The following MYOCD variants were observed in gnomAD, a reference collection of about 807,000 sequenced individuals.
MYOCD encodes the protein myocardin.
A neutral mutation model predicts 96.1 loss-of-function variants in MYOCD; 32 were observed. The ratio of observed to expected loss-of-function variants is 0.33; its 90% CI spans 0.25 to 0.45. The LOEUF is 0.45. MYOCD is among the 20% of genes least tolerant of loss of function. The probability of loss-of-function intolerance (pLI) is 1.00; values close to 1 mark genes in which losing one functional copy is unlikely to be tolerated. For synonymous variants in MYOCD, 469 were observed against 469.0 expected (o/e 1.00, Z 0.00); for missense variants, 1,133 against 1,200.6 (o/e 0.94, Z 0.83).
At chr17:12,686,425 G>T (rs1315225152) in intron 1 of MYOCD, among the ~76,000 whole-genome samples, 2 of 152,194 alleles carry the variant, frequency 1.3e-5, no homozygotes, top group Non-Finnish European at 2.9e-5. Flanking sequence ...AAATTTGAAT[G>T]AACTTCTAGT....
At chr17:12,756,960 T>C (rs1341439667) in intron 11 of MYOCD, among the ~76,000 whole-genome samples, 2 of 152,156 alleles carry the variant, frequency 1.3e-5, no homozygotes, top group Admixed American at 1.3e-4. Flanking sequence ...CAAGGAGTCA[T>C]TTCCTGGGGT....
chr17:12,758,844 T>C (rs1419489353), intron 12 of MYOCD, among the ~76,000 whole-genome samples: 2 of 151,240 alleles, frequency 1.3e-5, no homozygotes, highest in African/African-American at 4.9e-5. Flanking sequence ...AGGTCAGGAG[T>C]TTGAGACCAG....
intron 4 of MYOCD, among the ~76,000 whole-genome samples, chr17:12,719,396 T>C (rs1006308517): frequency 6.6e-6 from 1 of 151,992 alleles, no homozygotes; most frequent in African/African-American, 2.4e-5. Context: ...ATGTCTAGTA[T>C]TTTATTCAAA....
At chr17:12,698,667 G>A (rs2150666110) in intron 1 of MYOCD, among the ~76,000 whole-genome samples, 1 of 148,724 alleles carries the variant, frequency 6.7e-6, no homozygotes, top group African/African-American at 2.5e-5. Flanking sequence ...AATGAGTGAT[G>A]TCAAGTAGGC....
At chr17:12,756,014 G>T (rs889535152) in intron 10 of MYOCD, among the ~76,000 whole-genome samples, 2 of 152,216 alleles carry the variant, frequency 1.3e-5, no homozygotes, top group African/African-American at 4.8e-5. Flanking sequence ...TTCATGAAGG[G>T]GTTGGACTTG....
chr17:12,747,146 A>G (rs1192360723), intron 9 of MYOCD, among the ~76,000 whole-genome samples: 1 of 152,216 alleles, frequency 6.6e-6, no homozygotes, highest in Non-Finnish European at 1.5e-5. Context: ...GTGAAAATAA[A>G]AACCAGAATC....
rs2033350806 is a variant in MYOCD at position 12,766,809 on chromosome 17, T to C, written c.*3165T>C. ...CTTGAAGACATTTGCAGCTATCTGC[T>C]GCAGTCTGGTAGATTCATACTTATC... On this transcript the variant is annotated 3_prime_UTR_variant, in exon 14 of 14. Transcript: ENST00000425538. The C allele has an allele frequency of 6.6e-6, 1 of 152,146 alleles. No homozygotes were observed. Among genetic ancestry groups the C allele is most frequent in the Admixed American group, 6.5e-5 (1 of 15,274 alleles). 9.4% of individuals were successfully genotyped at this position (152,146 alleles called of 1,614,324 possible).
intron 5 of MYOCD, among the ~76,000 whole-genome samples, chr17:12,728,015 A>T (rs1349332203): frequency 1.3e-5 from 2 of 152,200 alleles, no homozygotes; most frequent in African/African-American, 4.8e-5. Context: ...GCTGTATCTG[A>T]GAGCATGCAC....
chr17:12,677,661 G>A (rs79404524), intron 1 of MYOCD, among the ~76,000 whole-genome samples: 5 of 150,930 alleles, frequency 3.3e-5, no homozygotes, highest in Admixed American at 1.3e-4. Context: ...GCAGTGAGCC[G>A]AGATCACGCC....
intron 10 of MYOCD, among the ~76,000 whole-genome samples, chr17:12,755,125 C>G (rs1293750699): frequency 6.6e-6 from 1 of 152,132 alleles, no homozygotes; most frequent in African/African-American, 2.4e-5. Flanking sequence ...AAATTAGGAC[C>G]TAAAAAACTT....
chr17:12,758,187 C>T lies in MYOCD; in HGVS notation c.2305C>T (p.Pro769Ser). 6.2e-7 allele frequency: 1 copy of T among 1,614,106 alleles called. No homozygotes were observed. The highest frequency in any genetic ancestry group is 8.5e-7 in the Non-Finnish European group (1 of 1,179,978). Reference sequence around the variant, plus strand: ...AGCAATTTCAGAGGTAACACAGCCTCCATCCTATGAAGATGCCGTAAAGCA... The same window carrying T: ...AGCAATTTCAGAGGTAACACAGCCTTCATCCTATGAAGATGCCGTAAAGCA... ...SSAISEVTQP[P>S]SYEDAVKQQM... The change falls in exon 12 of 14, where the codon CCA becomes TCA. Residue 769 changes from proline (P) to serine (S), a missense_variant. Transcript: ENST00000425538.
chr17:12,698,880 C>A (rs1188725153), intron 1 of MYOCD, among the ~76,000 whole-genome samples: 2 of 150,248 alleles, frequency 1.3e-5, no homozygotes, highest in African/African-American at 4.9e-5. Context: ...GTAGTTGGGA[C>A]TACAGACGCC....
chr17:12,700,588 G>C (rs1350012018), intron 1 of MYOCD, among the ~76,000 whole-genome samples: 2 of 150,202 alleles, frequency 1.3e-5, no homozygotes, highest in Non-Finnish European at 3.0e-5. Flanking sequence ...TAATTTTTTT[G>C]TATTTTTAGT....
At position 12,701,920 on chromosome 17, in the gene MYOCD, T is replaced by C. The variant is rs368005105; in HGVS notation, c.56-3208T>C. Among the ~76,000 whole-genome samples the C allele has an allele frequency of 2.4e-4, 37 of 152,258 alleles. No homozygotes were observed. In the South Asian group the frequency reaches 7.5e-3, roughly 31 times the overall value. On this transcript the variant is annotated intron_variant, in intron 1 of 13. Transcript: ENST00000425538. ...CAATGTGGTCAGAAAACATACTCTA[T>C]ATGAGAGCAATTATTTCAAATTTAT...
At chr17:12,727,100 A>C (rs565916536) in intron 5 of MYOCD, among the ~76,000 whole-genome samples, 55 of 152,290 alleles carry the variant, frequency 3.6e-4, no homozygotes, top group African/African-American at 1.2e-3. Context: ...AGGATGTATA[A>C]AAAGAGAAGA....
At position 12,756,568 on chromosome 17, in the gene MYOCD, G is replaced by A. The variant is rs55922747; in HGVS notation, c.2202+11G>A. ...TGTGTACAGCAAAAGGTAGGCACCT[G>A]AAAAAAGGCCTCAACCTGGGATTCA... On this transcript the variant is annotated intron_variant, in intron 11 of 13. Transcript: ENST00000425538. 2 of 1,544,118 alleles carry A rather than the reference G, an allele frequency of 1.3e-6. No homozygotes were observed. Among genetic ancestry groups the A allele is most frequent in the African/African-American group, 1.4e-5 (1 of 72,422 alleles).
chr17:12,716,811 C>G, intron 3 of MYOCD, among the ~76,000 whole-genome samples: 1 of 151,646 alleles, frequency 6.6e-6, no homozygotes, highest in Non-Finnish European at 1.5e-5. Context: ...AACCCTGTCT[C>G]TACTAAAAAT....
At chr17:12,734,504 C>CTTGTT (rs2032280111) in intron 5 of MYOCD, among the ~76,000 whole-genome samples, 1 of 65,470 alleles carries the variant, frequency 1.5e-5, no homozygotes, top group Non-Finnish European at 2.6e-5. Context: ...ACACATGATC[C>CTTGTT]TTTTTTTTTT....
At chr17:12,751,186 T>C (rs1225449047) in intron 9 of MYOCD, among the ~76,000 whole-genome samples, 2 of 152,116 alleles carry the variant, frequency 1.3e-5, no homozygotes, top group Non-Finnish European at 2.9e-5. Flanking sequence ...TACGTTTATG[T>C]GGCATATTTA....
Sources: allele counts gnomAD v4.1 joint callset (sites outside exome capture counted in the v4.1 genomes callset), GRCh38; gene constraint gnomAD v4.1.1; transcripts MANE v1.5; gene names NCBI Gene and HGNC (gene_info 2026-07-23, HGNC 2026-07-21).